Variants in LRRTM3 observed in about 807,000 individuals in gnomAD.
The protein encoded by LRRTM3 is leucine rich repeat transmembrane neuronal 3.
LRRTM3 carries 24 observed loss-of-function variants against 44.7 expected under a neutral mutation model. The ratio of observed to expected loss-of-function variants is 0.54; its 90% CI spans 0.39 to 0.76. LRRTM3 has a LOEUF of 0.76. LRRTM3 is among the 30% of genes least tolerant of loss of function. The pLI, the probability that LRRTM3 is intolerant of heterozygous loss-of-function variation, is 0.00. For missense variants in LRRTM3, 587 were observed against 702.2 expected (o/e 0.84, Z 1.85); for synonymous variants, 277 against 278.7 (o/e 0.99, Z 0.06).
At chr10:67,076,452 G>A (rs954876827) in intron 2 of LRRTM3, among the ~76,000 whole-genome samples, 2 of 152,192 alleles carry the variant, frequency 1.3e-5, no homozygotes, top group Non-Finnish European at 2.9e-5. Context: ...AATGTAGGAA[G>A]ACCAATACAT....
intron 2 of LRRTM3, among the ~76,000 whole-genome samples, chr10:66,941,520 T>A (rs558230475): frequency 6.6e-6 from 1 of 152,124 alleles, no homozygotes; most frequent in East Asian, 1.9e-4. Flanking sequence ...TTCAACTGTA[T>A]GGAATTTGAA....
In LRRTM3 at chr10:66,996,649, C is replaced by CAAAAAAAAAAAAAAAAAAAAA. The variant is rs57025097; in HGVS notation, c.1536+68199_1536+68219dup. On this transcript the variant is annotated intron_variant, in intron 2 of 2. Transcript: ENST00000361320. ...GTGAGAGAGTGAGACTCCGTCTCTA[C>CAAAAAAAAAAAAAAAAAAAAA]AAAAAAAAAAAAAAAAAAAAAAGCA... Among the ~76,000 whole-genome samples the CAAAAAAAAAAAAAAAAAAAAA allele has an allele frequency of 1.3e-4, 9 of 67,634 alleles. 1 individual carries two copies. Among genetic ancestry groups the CAAAAAAAAAAAAAAAAAAAAA allele is most frequent in the Admixed American group, 2.7e-4 (1 of 3,668 alleles). The allele number at this position is 67,634 out of a possible 152,430, so 44.4% of individuals were successfully genotyped here.
chr10:67,037,564 T>C lies in LRRTM3; in HGVS notation c.1537-60023T>C, dbSNP rs12240298. ...AGGTAGATTCACATGTAGAAGAGAT[T>C]TGAATGAAGTATGACTGGATGCAAG... On this transcript the variant is annotated intron_variant, in intron 2 of 2. Coordinates refer to ENST00000361320, the MANE Select transcript of LRRTM3 (RefSeq NM_178011.5). 7.2e-3 allele frequency among the ~76,000 whole-genome samples: 1,094 copies of C among 152,162 alleles called. 6 individuals carry two copies. Among genetic ancestry groups the C allele is most frequent in the African/African-American group, 0.025 (1,049 of 41,508 alleles).
At chr10:67,044,018 T>C (rs1399577500) in intron 2 of LRRTM3, among the ~76,000 whole-genome samples, 3 of 151,864 alleles carry the variant, frequency 2.0e-5, no homozygotes, top group Admixed American at 2.0e-4. Context: ...ATGCTGAGGT[T>C]TGGGGACACA....
intron 2 of LRRTM3, among the ~76,000 whole-genome samples, chr10:67,063,948 G>A (rs536597330): frequency 3.3e-5 from 5 of 152,224 alleles, no homozygotes; most frequent in East Asian, 1.9e-4. Flanking sequence ...ACACACACTC[G>A]TCAGCTAATC....
chr10:67,030,602 C>T (rs915225141), intron 2 of LRRTM3, among the ~76,000 whole-genome samples: 1 of 152,054 alleles, frequency 6.6e-6, no homozygotes, highest in Admixed American at 6.6e-5. Flanking sequence ...TCTGATTTTG[C>T]ATATTTTCAT....
intron 2 of LRRTM3, among the ~76,000 whole-genome samples, chr10:67,070,650 G>C (rs561170930): frequency 6.6e-6 from 1 of 152,080 alleles, no homozygotes; most frequent in East Asian, 1.9e-4. Context: ...GGGAGGCTGA[G>C]GCAGGGGAAT....
At chr10:66,978,051 CACAT>C (rs58270904) in intron 2 of LRRTM3, among the ~76,000 whole-genome samples, 37 of 113,350 alleles carry the variant, frequency 3.3e-4, no homozygotes, top group South Asian at 2.5e-3. Context: ...AATTTGCACA[CACAT>C]ATATATATAT....
At chr10:67,049,360 T>C (rs1329217587) in intron 2 of LRRTM3, among the ~76,000 whole-genome samples, 1 of 152,096 alleles carries the variant, frequency 6.6e-6, no homozygotes, top group Non-Finnish European at 1.5e-5. Flanking sequence ...CAAATCCCAT[T>C]ATCCAATAAG....
At chr10:66,931,192 T>TAAAAAAAAA in intron 2 of LRRTM3, among the ~76,000 whole-genome samples, 1 of 118,712 alleles carries the variant, frequency 8.4e-6, no homozygotes, top group Non-Finnish European at 1.7e-5. Context: ...TGACAACAGT[T>TAAAAAAAAA]AAAAAAAAAA....
chr10:67,021,072 G>C (rs1158330780), intron 2 of LRRTM3, among the ~76,000 whole-genome samples: 1 of 152,110 alleles, frequency 6.6e-6, no homozygotes, highest in Non-Finnish European at 1.5e-5. Flanking sequence ...TTTGCAGTGG[G>C]TTGATTATAT....
intron 2 of LRRTM3, among the ~76,000 whole-genome samples, chr10:66,966,221 C>T (rs1849402874): frequency 6.6e-6 from 1 of 152,072 alleles, no homozygotes; most frequent in Non-Finnish European, 1.5e-5. Context: ...AAACAATTTT[C>T]CCTATTTTTG....
At chr10:67,064,576 C>T (rs569831375) in intron 2 of LRRTM3, among the ~76,000 whole-genome samples, 5 of 152,240 alleles carry the variant, frequency 3.3e-5, no homozygotes, top group African/African-American at 7.2e-5. Flanking sequence ...TTTGACTCTT[C>T]CCCTTAGTCA....
intron 2 of LRRTM3, among the ~76,000 whole-genome samples, chr10:66,931,192 T>A (rs1413577328): frequency 1.4e-4 from 17 of 118,662 alleles, no homozygotes; most frequent in Admixed American, 2.7e-4. Context: ...TGACAACAGT[T>A]AAAAAAAAAA....
chr10:66,951,873 A>T (rs932703307), intron 2 of LRRTM3, among the ~76,000 whole-genome samples: 2 of 152,180 alleles, frequency 1.3e-5, no homozygotes, highest in South Asian at 4.1e-4. Context: ...TACATTTTTC[A>T]GAAAGCCCAT....
chr10:66,969,763 C>T (rs1925558), intron 2 of LRRTM3, among the ~76,000 whole-genome samples: 142,313 of 152,198 alleles, frequency 0.94, 67,063 homozygotes, highest in East Asian at 1. Context: ...ACTATTTGTA[C>T]TTCTTTTGTG....
chr10:67,037,610 G>A (rs1249418230), intron 2 of LRRTM3, among the ~76,000 whole-genome samples: 2 of 152,090 alleles, frequency 1.3e-5, no homozygotes, highest in Non-Finnish European at 2.9e-5. Context: ...AGAAAGCTGT[G>A]AAAAATGATG....
chr10:67,076,685 A>G (rs1856767869), intron 2 of LRRTM3, among the ~76,000 whole-genome samples: 1 of 152,252 alleles, frequency 6.6e-6, no homozygotes, highest in Admixed American at 6.5e-5. Flanking sequence ...ATGAAATTCC[A>G]GGTAACCAAA....
chr10:66,971,387 C>T (rs549836241), intron 2 of LRRTM3, among the ~76,000 whole-genome samples: 2 of 151,770 alleles, frequency 1.3e-5, no homozygotes, highest in South Asian at 4.2e-4. Flanking sequence ...GATCGTGCCA[C>T]TGCACTCTAA....
Sources: allele counts gnomAD v4.1 joint callset (sites outside exome capture counted in the v4.1 genomes callset), GRCh38; gene constraint gnomAD v4.1.1; transcripts MANE v1.5; gene names NCBI Gene and HGNC (gene_info 2026-07-23, HGNC 2026-07-21).